The following TASP1 variants were observed in gnomAD, a reference collection of about 807,000 sequenced individuals.
TASP1 encodes the protein threonine aspartase 1.
In TASP1, 16 loss-of-function variants were observed where a neutral mutation model predicts 56.6. The observed-to-expected ratio is 0.28, with a 90% CI of 0.19 to 0.43. TASP1 has a LOEUF of 0.43. Among genes scored for constraint, TASP1 ranks in the 20% least tolerant of loss-of-function variants. TASP1 has a pLI of 1.00. For missense variants in TASP1, 393 were observed against 511.6 expected, an observed-to-expected ratio of 0.77 and a Z score of 2.24; for synonymous variants, 179 against 184.2, an observed-to-expected ratio of 0.97 and a Z score of 0.23.
At chr20:13,197,343 C>A in the TASP1 span, among the ~76,000 whole-genome samples, 1 of 152,248 alleles carries the variant, frequency 6.6e-6, no homozygotes, top group South Asian at 2.1e-4. Flanking sequence ...TTGACTGGGA[C>A]CAAAAAGACT....
intron 12 of TASP1, among the ~76,000 whole-genome samples, chr20:13,422,082 G>C (rs1356933786): frequency 6.6e-6 from 1 of 150,718 alleles, no homozygotes; most frequent in Non-Finnish European, 1.5e-5. Flanking sequence ...CTCCCTAGTA[G>C]CTCGGACTAC....
chr20:13,630,683 G>A (rs2049051037), intron 1 of TASP1, among the ~76,000 whole-genome samples: 1 of 65,248 alleles, frequency 1.5e-5, no homozygotes, highest in African/African-American at 7.8e-5. Flanking sequence ...AGTAAGCTCT[G>A]TCTCAAAAAA....
chr20:13,434,057 G>A (rs866645358), intron 12 of TASP1, among the ~76,000 whole-genome samples: 27 of 152,080 alleles, frequency 1.8e-4, no homozygotes, highest in African/African-American at 6.5e-4. Context: ...TAACCATGGT[G>A]TTAAAAGTGA....
At chr20:13,331,730 T>C in the TASP1 span, among the ~76,000 whole-genome samples, 1 of 151,396 alleles carries the variant, frequency 6.6e-6, no homozygotes, top group South Asian at 2.1e-4. Context: ...TAATACAAAT[T>C]CCTCTAACAG....
chr20:13,574,468 G>A (rs1601303489), intron 6 of TASP1, among the ~76,000 whole-genome samples: 1 of 152,110 alleles, frequency 6.6e-6, no homozygotes. Flanking sequence ...TAGGAAGAAA[G>A]GTAACCTATT....
At chr20:13,144,481 G>C in the TASP1 span, among the ~76,000 whole-genome samples, 1 of 152,224 alleles carries the variant, frequency 6.6e-6, no homozygotes, top group Non-Finnish European at 1.5e-5. Flanking sequence ...GAGATGATGA[G>C]TGACTTGCTC....
Position 13,631,370 on chromosome 20 carries a change from G to A in TASP1, c.-74-1218C>T, listed in dbSNP as rs187139238. On this transcript the variant is annotated intron_variant, in intron 1 of 13. Transcript: ENST00000337743. ...GGTTTTGTTTTTGTTTTGTGGTGGT[G>A]TGTTTTGTCTTCCTAACCATGTTTT... 3.7e-3 allele frequency among the ~76,000 whole-genome samples: 563 copies of A among 152,284 alleles called. 1 individual carries two copies. Among genetic ancestry groups the A allele is most frequent in the Non-Finnish European group, 5.0e-3 (340 of 68,008 alleles).
chr20:13,427,687 G>A (rs2042665672), intron 12 of TASP1, among the ~76,000 whole-genome samples: 1 of 151,980 alleles, frequency 6.6e-6, no homozygotes, highest in African/African-American at 2.4e-5. Flanking sequence ...ATGGGTAATG[G>A]GCAATTTCTT....
chr20:13,173,076 G>A, the TASP1 span, among the ~76,000 whole-genome samples: 1 of 152,110 alleles, frequency 6.6e-6, no homozygotes, highest in Non-Finnish European at 1.5e-5. Context: ...TCAGCCTGGG[G>A]AAAAGAAAAA....
chr20:13,479,203 T>C (rs1397793290), intron 11 of TASP1, among the ~76,000 whole-genome samples: 1 of 152,152 alleles, frequency 6.6e-6, no homozygotes, highest in Non-Finnish European at 1.5e-5. Context: ...TTGAACTTAA[T>C]TGTCATATAC....
At chr20:13,531,464 A>T (rs2045213602) in intron 9 of TASP1, among the ~76,000 whole-genome samples, 1 of 151,612 alleles carries the variant, frequency 6.6e-6, no homozygotes, top group East Asian at 1.9e-4. Flanking sequence ...ATAAGTTCTA[A>T]TTCAAATTGC....
At chr20:13,317,685 G>A in the TASP1 span, among the ~76,000 whole-genome samples, 18,527 of 152,072 alleles carry the variant, frequency 0.12, 1,253 homozygotes, top group Admixed American at 0.18. Context: ...AGACAACACA[G>A]TGGAGAAAGG....
the TASP1 span, among the ~76,000 whole-genome samples, chr20:13,335,482 G>A: frequency 9.2e-5 from 14 of 152,058 alleles, no homozygotes; most frequent in East Asian, 2.7e-3. Context: ...AGCCCCATCC[G>A]TGATTTTAGA....
At chr20:13,614,938 A>T in intron 4 of TASP1, 2 of 413,416 alleles carry the variant, frequency 4.8e-6, no homozygotes, top group South Asian at 3.8e-5. Context: ...GCAGCCACTT[A>T]TACTTCCCTT....
rs1267226668 is a variant in TASP1 at position 13,519,324 on chromosome 20, A to AT, written c.874+9108_874+9109insA. The stretch of plus-strand genomic sequence containing the variant: ...AACCTGCAAATGTACCCATGAATCT[A>AT]CAGTAAAAGTTGAAATTAAAAGAAA... On this transcript the variant is annotated intron_variant, in intron 10 of 13. Transcript: ENST00000337743. 5.3e-5 allele frequency among the ~76,000 whole-genome samples: 8 copies of AT among 152,222 alleles called. No homozygotes were observed. In the South Asian group the frequency reaches 1.7e-3, roughly 32 times the overall value.
At chr20:13,461,719 C>T (rs2044058897) in intron 11 of TASP1, among the ~76,000 whole-genome samples, 1 of 152,078 alleles carries the variant, frequency 6.6e-6, no homozygotes, top group African/African-American at 2.4e-5. Context: ...GGGATTGAAC[C>T]TGCAGGCCAT....
chr20:13,528,240 A>G (rs969468643), intron 10 of TASP1, among the ~76,000 whole-genome samples, 193 bp downstream of exon 10: 11 of 150,738 alleles, frequency 7.3e-5, no homozygotes, highest in East Asian at 1.9e-4. Flanking sequence ...AAAAAAAAAA[A>G]AAAAGAAAAT....
chr20:13,463,915 G>A (rs1288226559), intron 11 of TASP1, among the ~76,000 whole-genome samples: 3 of 152,074 alleles, frequency 2.0e-5, no homozygotes, highest in African/African-American at 7.2e-5. Context: ...TATAAAATGT[G>A]CAGCTGCTAA....
At chr20:13,235,156 G>A in the TASP1 span, among the ~76,000 whole-genome samples, 1 of 152,204 alleles carries the variant, frequency 6.6e-6, no homozygotes, top group Non-Finnish European at 1.5e-5. Context: ...CTGAGGTTCA[G>A]TAGATCTAGG....
Sources: gnomAD v4.1 joint callset for allele counts (sites outside exome capture counted in the v4.1 genomes callset) on GRCh38, gnomAD v4.1.1 for gene constraint, MANE v1.5 for transcripts, NCBI Gene and HGNC (gene_info 2026-07-23, HGNC 2026-07-21) for gene names.